DNAH7: variants seen among roughly 807,000 people sequenced by gnomAD.
DNAH7 encodes axonemal beta dynein heavy chain 7.
A neutral mutation model predicts 444.6 loss-of-function variants in DNAH7; 397 were observed. That is an observed-to-expected ratio of 0.89 (90% CI 0.82 to 0.97). DNAH7 has a LOEUF of 0.97. Among genes scored for constraint, DNAH7 ranks in the 50% least tolerant of loss-of-function variants. The pLI is 0.00. For missense variants in DNAH7, 4,902 were observed against 4,800.8 expected, an observed-to-expected ratio of 1.02 and a Z score of -0.62; for synonymous variants, 1,636 against 1,624.4, an observed-to-expected ratio of 1.01 and a Z score of -0.17.
chr2:195,858,644 C>T lies in DNAH7; in HGVS notation c.7897G>A (p.Glu2633Lys), dbSNP rs771453122. The T allele has an allele frequency of 1.2e-6, 2 of 1,613,918 alleles. No homozygotes were observed. The highest frequency in any genetic ancestry group is 2.7e-5 in the African/African-American group (2 of 74,908). ...VDEMMIMIEK[E>K]SVEVAKTEKI... ...TCAGTTTTGGCAACTTCTACAGACTCTTTCTCAATCATTATCATCATTTCA... is the reference window on the plus strand; with the variant it reads ...TCAGTTTTGGCAACTTCTACAGACTTTTTCTCAATCATTATCATCATTTCA... Residue 2633 changes from glutamate (E) to lysine (K), a missense_variant, in exon 43 of 65, where the codon GAG (glutamate) becomes AAG (lysine). Glu to Lys is a moderately conservative substitution (Grantham distance 56, BLOSUM62 1). Transcript: ENST00000312428.
intron 5 of DNAH7, among the ~76,000 whole-genome samples, chr2:196,029,168 G>A (rs1695876001): frequency 6.6e-6 from 1 of 152,174 alleles, no homozygotes; most frequent in Non-Finnish European, 1.5e-5. Context: ...CTACACAGAA[G>A]AGAACTCAGC....
At chr2:195,784,099 T>C (rs999356030) in intron 58 of DNAH7, among the ~76,000 whole-genome samples, 2 of 152,180 alleles carry the variant, frequency 1.3e-5, no homozygotes, top group Non-Finnish European at 2.9e-5. Flanking sequence ...ACATCATTCA[T>C]GAGGACTCGA....
chr2:196,058,206 G>A, intron 1 of DNAH7, 90 bp from the exon 2 acceptor site: 1 of 901,454 alleles, frequency 1.1e-6, no homozygotes, highest in Non-Finnish European at 1.6e-6. Context: ...TTTATTGTAA[G>A]CATACATCAT....
At chr2:195,965,872 T>G (rs1434957641) in intron 17 of DNAH7, among the ~76,000 whole-genome samples, 2 of 152,140 alleles carry the variant, frequency 1.3e-5, no homozygotes, top group Non-Finnish European at 2.9e-5. Flanking sequence ...TTGGGTAGTC[T>G]AGTTAAAGGT....
At chr2:195,999,291 CA>C in intron 12 of DNAH7, 1 of 702,726 alleles carries the variant, frequency 1.4e-6, no homozygotes, top group East Asian at 2.7e-5. Context: ...TTTGTAACCA[CA>C]AGTCTATTTT....
intron 42 of DNAH7, among the ~76,000 whole-genome samples, chr2:195,860,835 C>T (rs182917460): frequency 6.6e-6 from 1 of 152,120 alleles, no homozygotes; most frequent in East Asian, 1.9e-4. Flanking sequence ...CAGGCTTGAG[C>T]TTTCAATATA....
chr2:195,785,605 G>GTTT (rs1559095059), intron 58 of DNAH7, among the ~76,000 whole-genome samples: 5 of 139,192 alleles, frequency 3.6e-5, no homozygotes, highest in African/African-American at 8.0e-5. Context: ...TTTTTTTTTG[G>GTTT]TTGTTGTTTT....
At chr2:195,747,515 G>A (rs1194072235) in intron 63 of DNAH7, among the ~76,000 whole-genome samples, 1 of 152,102 alleles carries the variant, frequency 6.6e-6, no homozygotes, top group African/African-American at 2.4e-5. Context: ...TGATACCAAA[G>A]CCAGGCAGAG....
intron 16 of DNAH7, among the ~76,000 whole-genome samples, chr2:195,970,487 C>T (rs1027584188): frequency 2.0e-5 from 3 of 151,994 alleles, no homozygotes; most frequent in African/African-American, 7.2e-5. Flanking sequence ...TTTACCTATG[C>T]TATTTTTATA....
At chr2:195,927,068 A>G (rs7570606) in intron 21 of DNAH7, among the ~76,000 whole-genome samples, 34,719 of 151,876 alleles carry the variant, frequency 0.23, 5,102 homozygotes, top group African/African-American at 0.42. Flanking sequence ...CTCCCTCTCA[A>G]TCCTGTAGTT....
At chr2:196,033,748 A>C (rs1696208603) in intron 5 of DNAH7, among the ~76,000 whole-genome samples, 1 of 152,214 alleles carries the variant, frequency 6.6e-6, no homozygotes, top group African/African-American at 2.4e-5. Flanking sequence ...GCTGAAATGA[A>C]CATGGGCATG....
At chr2:195,821,485 T>C (rs542195268) in intron 49 of DNAH7, among the ~76,000 whole-genome samples, 1 of 152,180 alleles carries the variant, frequency 6.6e-6, no homozygotes, top group Non-Finnish European at 1.5e-5. Context: ...TAATAGGGAC[T>C]TAACAAACAT....
chr2:195,758,788 G>C (rs368235127), intron 61 of DNAH7, among the ~76,000 whole-genome samples: 30 of 152,324 alleles, frequency 2.0e-4, no homozygotes, highest in African/African-American at 7.0e-4. Context: ...TCCTGTCACA[G>C]AAGACAGCAA....
chr2:195,839,327 T>TA (rs2124983061), intron 47 of DNAH7, among the ~76,000 whole-genome samples: 1 of 151,878 alleles, frequency 6.6e-6, no homozygotes, highest in Non-Finnish European at 1.5e-5. Context: ...TAAAGGAAAT[T>TA]AAAATTAAAA....
intron 10 of DNAH7, among the ~76,000 whole-genome samples, chr2:196,002,261 T>C (rs1368227229): frequency 6.6e-6 from 1 of 152,232 alleles, no homozygotes; most frequent in East Asian, 1.9e-4. Context: ...GGAGGGCTTA[T>C]ACCATGTTCA....
chr2:195,816,597 G>T, intron 51 of DNAH7, 31 bp downstream of exon 51: 1 of 1,491,552 alleles, frequency 6.7e-7, no homozygotes, highest in Admixed American at 1.8e-5. Flanking sequence ...GCATTAATTA[G>T]TTAATATTAA....
Position 195,737,722 on chromosome 2 carries a change from G to A in DNAH7, c.*199C>T. ...CAAATATGCCAGTGTGTTTTCTTTA[G>A]TCTTTATTTCAGAACATTTCCTTAC... On this transcript the variant is annotated 3_prime_UTR_variant, in exon 65 of 65. Transcript: ENST00000312428. The A allele has an allele frequency of 5.8e-6, 2 of 346,294 alleles. No homozygotes were observed. The highest frequency in any genetic ancestry group is 1.1e-5 in the Non-Finnish European group (2 of 185,834). 21.5% of individuals were successfully genotyped at this position (346,294 alleles called of 1,614,324 possible). A position where few individuals can be genotyped will look rare whatever the true frequency, so the allele number is the denominator to read the frequency against.
intron 24 of DNAH7, among the ~76,000 whole-genome samples, chr2:195,918,699 T>C (rs1014534350): frequency 3.3e-5 from 5 of 152,170 alleles, no homozygotes; most frequent in Admixed American, 6.5e-5. Context: ...CTTTGGAATA[T>C]ATATACATGA....
intron 57 of DNAH7, among the ~76,000 whole-genome samples, chr2:195,793,964 AT>A (rs1696017368): frequency 6.6e-6 from 1 of 152,168 alleles, no homozygotes; most frequent in Non-Finnish European, 1.5e-5. Flanking sequence ...TGAAGGAAAT[AT>A]TTTTATGTTT....
Sources: allele counts gnomAD v4.1 joint callset (sites outside exome capture counted in the v4.1 genomes callset), GRCh38; gene constraint gnomAD v4.1.1; transcripts MANE v1.5; gene names NCBI Gene and HGNC (gene_info 2026-07-23, HGNC 2026-07-21).